The following ADCY10 variants were observed in gnomAD, a reference collection of about 807,000 sequenced individuals.
ADCY10 encodes adenylate cyclase 10.
ADCY10 carries 156 observed loss-of-function variants against 183.3 expected under a neutral mutation model. The ratio of observed to expected loss-of-function variants is 0.85; its 90% confidence interval spans 0.75 to 0.97. The LOEUF (loss-of-function observed/expected upper bound fraction) is 0.97. Among genes scored for constraint, ADCY10 ranks in the 50% least tolerant of loss-of-function variants. The pLI is 0.00. For missense variants in ADCY10, 1,745 were observed against 1,934.3 expected (o/e 0.90, Z 1.84); for synonymous variants, 645 against 670.0 (o/e 0.96, Z 0.58).
chr1:167,835,564 C>T (rs1664133309), intron 23 of ADCY10, among the ~76,000 whole-genome samples: 1 of 152,140 alleles, frequency 6.6e-6, no homozygotes, highest in Non-Finnish European at 1.5e-5. Flanking sequence ...ATGACAAAGG[C>T]AGGGAGAGCC....
chr1:167,835,978 C>T (rs1178392177), intron 23 of ADCY10, among the ~76,000 whole-genome samples: 1 of 152,142 alleles, frequency 6.6e-6, no homozygotes, highest in Non-Finnish European at 1.5e-5. Context: ...AGGGTAAATG[C>T]CACTTGAGGA....
intron 26 of ADCY10, among the ~76,000 whole-genome samples, chr1:167,828,931 C>T (rs1663508392): frequency 6.6e-6 from 1 of 152,092 alleles, no homozygotes; most frequent in African/African-American, 2.4e-5. Flanking sequence ...CACTGCACTC[C>T]AGCCTGGGTG....
chr1:167,896,254 A>C (rs142654304), intron 7 of ADCY10, among the ~76,000 whole-genome samples: 156 of 152,362 alleles, frequency 1.0e-3, no homozygotes, highest in African/African-American at 3.6e-3. Context: ...AGGTATAAAT[A>C]CATTTACAGA....
intron 21 of ADCY10, among the ~76,000 whole-genome samples, chr1:167,838,340 TA>T (rs74992312): frequency 0.23 from 35,184 of 152,056 alleles, 4,925 homozygotes; most frequent in Non-Finnish European, 0.31. Flanking sequence ...TATATTGAAT[TA>T]TGACCCTGTC....
At chr1:167,898,232 CTG>C (rs112718313) in intron 6 of ADCY10, among the ~76,000 whole-genome samples, 2,115 of 151,828 alleles carry the variant, frequency 0.014, 40 homozygotes, top group African/African-American at 0.048. Context: ...TATGGAAACT[CTG>C]TATTATTTTT....
intron 22 of ADCY10, chr1:167,836,914 A>G (rs1397130273): frequency 2.8e-6 from 1 of 360,738 alleles, no homozygotes; most frequent in Non-Finnish European, 5.1e-6. Context: ...AGTCCCAGTT[A>G]TTCAGGAGGC....
chr1:167,847,111 G>C (rs1665099029), intron 19 of ADCY10, among the ~76,000 whole-genome samples: 1 of 151,886 alleles, frequency 6.6e-6, no homozygotes, highest in Non-Finnish European at 1.5e-5. Flanking sequence ...GTTTGTAGGA[G>C]AGATGGGATT....
chr1:167,873,518 C>T (rs187132544), intron 13 of ADCY10, among the ~76,000 whole-genome samples: 5 of 152,238 alleles, frequency 3.3e-5, no homozygotes, highest in Admixed American at 3.3e-4. Context: ...TCGTGTCTGA[C>T]AGAAGGAAAT....
At chr1:167,863,493 C>G (rs970191496) in intron 14 of ADCY10, among the ~76,000 whole-genome samples, 2 of 151,838 alleles carry the variant, frequency 1.3e-5, no homozygotes, top group Non-Finnish European at 2.9e-5. Context: ...GCTAGCCTGC[C>G]GATTCTCCCA....
intron 19 of ADCY10, among the ~76,000 whole-genome samples, chr1:167,847,547 C>T (rs752596595): frequency 1.3e-5 from 2 of 152,004 alleles, no homozygotes; most frequent in African/African-American, 2.4e-5. Context: ...TCCTCAGTAG[C>T]TGGGATTACA....
chr1:167,828,324 C>T (rs879710879), intron 26 of ADCY10, among the ~76,000 whole-genome samples: 3 of 152,232 alleles, frequency 2.0e-5, no homozygotes, highest in Non-Finnish European at 2.9e-5. Context: ...ATTGAGTCAA[C>T]TCAGTGAGTT....
intron 31 of ADCY10, among the ~76,000 whole-genome samples, chr1:167,816,237 A>G (rs1386655407): frequency 6.6e-6 from 1 of 152,106 alleles, no homozygotes; most frequent in African/African-American, 2.4e-5. Flanking sequence ...TTTGTAAACT[A>G]CAGAAAATCA....
Position 167,903,770 on chromosome 1 carries a change from T to C in ADCY10, c.253+117A>G, listed in dbSNP as rs540087763. ...CAAAAAAGACTGGTTTTATACACATTTCATGGGGAAGAGGAGGAGTGCTAA... is the reference window on the plus strand; with the variant it reads ...CAAAAAAGACTGGTTTTATACACATCTCATGGGGAAGAGGAGGAGTGCTAA... On this transcript the variant is annotated intron_variant, in intron 3 of 32. Transcript: ENST00000367851. The C allele has an allele frequency of 3.4e-5, 26 of 756,798 alleles. No individual in the cohort carries two copies. The African/African-American group carries it at 3.9e-4, about 11-fold the overall frequency. 46.9% of individuals were successfully genotyped at this position (756,798 alleles called of 1,614,324 possible). A position where few individuals can be genotyped will look rare whatever the true frequency, so the allele number is the denominator to read the frequency against.
In ADCY10 at chr1:167,880,499, G is replaced by C; in HGVS notation, c.1131C>G (p.His377Gln). 1 of 1,612,756 alleles carries C rather than the reference G, an allele frequency of 6.2e-7. No homozygotes were observed. Among genetic ancestry groups the C allele is most frequent in the East Asian group, 2.2e-5 (1 of 44,888 alleles). Residue 377 changes from histidine (H) to glutamine (Q), a missense_variant, in exon 10 of 33, where the codon CAC becomes CAG. Physicochemically the swap from His to Gln is conservative, Grantham distance 24. Transcript: ENST00000367851. ...MDIFDFCSQV[H>Q]KIQTVSIGVA... The stretch of plus-strand genomic sequence containing the variant: ...CCAGGGTCAATACTCACTGGATTTT[G>C]TGGACTTGAGAGCAGAAGTCAAATA...
chr1:167,885,574 A>C (rs530311703), intron 8 of ADCY10, among the ~76,000 whole-genome samples: 2 of 152,142 alleles, frequency 1.3e-5, no homozygotes, highest in South Asian at 4.2e-4. Context: ...TATTTTTCAC[A>C]TACTTGTTTG....
chr1:167,832,198 T>C (rs905914146), intron 25 of ADCY10, among the ~76,000 whole-genome samples: 6 of 152,196 alleles, frequency 3.9e-5, no homozygotes, highest in Admixed American at 2.0e-4. Context: ...AGGTGTCCTC[T>C]GTCAGCTCTC....
At chr1:167,878,097 G>A (rs1667604573) in intron 12 of ADCY10, among the ~76,000 whole-genome samples, 3 of 152,110 alleles carry the variant, frequency 2.0e-5, no homozygotes, top group South Asian at 2.1e-4. Flanking sequence ...ACAATGCCTC[G>A]GCATACAGTT....
chr1:167,878,828 C>T (rs942562614), intron 11 of ADCY10, among the ~76,000 whole-genome samples, 193 bp from the exon 12 acceptor site: 2 of 152,180 alleles, frequency 1.3e-5, no homozygotes, highest in African/African-American at 4.8e-5. Context: ...GTTAGTTAGC[C>T]ATTAGCAAAG....
chr1:167,847,780 A>T (rs140046140), intron 19 of ADCY10, among the ~76,000 whole-genome samples: 1 of 152,226 alleles, frequency 6.6e-6, no homozygotes, highest in East Asian at 1.9e-4. Context: ...AGTGGATGAC[A>T]GGAAGTATCT....
Sources: allele counts gnomAD v4.1 joint callset (sites outside exome capture counted in the v4.1 genomes callset), GRCh38; gene constraint gnomAD v4.1.1; transcripts MANE v1.5; gene names NCBI Gene and HGNC (gene_info 2026-07-23, HGNC 2026-07-21).